SPATS2: variants seen among roughly 807,000 people sequenced by gnomAD.
SPATS2 encodes spermatogenesis associated serine rich 2.
A neutral mutation model predicts 63.7 loss-of-function variants in SPATS2; 38 were observed. The ratio of observed to expected loss-of-function variants is 0.60; its 90% CI spans 0.46 to 0.78. The LOEUF (loss-of-function observed/expected upper bound fraction) is 0.78. SPATS2 is among the 30% of genes least tolerant of loss of function. SPATS2 has a pLI of 0.00. For synonymous variants in SPATS2, 207 were observed against 232.9 expected (o/e 0.89, Z 1.01); for missense variants, 588 against 666.2 (o/e 0.88, Z 1.29).
At chr12:49,417,942 A>G (rs1046277850) in intron 2 of SPATS2, among the ~76,000 whole-genome samples, 3 of 152,102 alleles carry the variant, frequency 2.0e-5, no homozygotes, top group African/African-American at 7.2e-5. Flanking sequence ...GTGCAGTGGT[A>G]TGATTTTGGC....
At chr12:49,389,530 T>C in intron 2 of SPATS2, 1 of 939,226 alleles carries the variant, frequency 1.1e-6, no homozygotes, top group Non-Finnish European at 1.8e-6. Flanking sequence ...GTTGCACAAT[T>C]GAGAAGGCAC....
At chr12:49,380,852 A>T (rs990505008) in intron 2 of SPATS2, among the ~76,000 whole-genome samples, 2 of 151,832 alleles carry the variant, frequency 1.3e-5, no homozygotes, top group African/African-American at 4.8e-5. Flanking sequence ...CTATACCTAA[A>T]AGTGGAATTG....
chr12:49,415,419 C>G (rs1257141463), intron 2 of SPATS2, among the ~76,000 whole-genome samples: 1 of 152,162 alleles, frequency 6.6e-6, no homozygotes, highest in African/African-American at 2.4e-5. Context: ...ATTTTTGGAC[C>G]TAGCAACTCA....
chr12:49,448,209 C>G (rs1221454359), intron 2 of SPATS2, among the ~76,000 whole-genome samples: 1 of 150,018 alleles, frequency 6.7e-6, no homozygotes, highest in Non-Finnish European at 1.5e-5. Context: ...GTGATCTCGG[C>G]TCACTGCAAG....
intron 2 of SPATS2, among the ~76,000 whole-genome samples, chr12:49,397,697 G>A (rs1260888669): frequency 2.0e-5 from 3 of 151,928 alleles, no homozygotes; most frequent in Non-Finnish European, 4.4e-5. Context: ...GGATATGGTA[G>A]TGCATGCCTG....
intron 2 of SPATS2, chr12:49,389,919 A>C (rs1202070521): frequency 7.4e-6 from 6 of 811,446 alleles, no homozygotes; most frequent in African/African-American, 1.7e-5. Context: ...CCAAGGATAC[A>C]GGCACATGTT....
intron 1 of SPATS2, among the ~76,000 whole-genome samples, chr12:49,369,614 G>T (rs191598185): frequency 2.1e-4 from 32 of 152,266 alleles, no homozygotes; most frequent in African/African-American, 7.7e-4. Context: ...TGATAACTGT[G>T]ATTTAGATGA....
chr12:49,461,390 G>A (rs1945820155), intron 3 of SPATS2, among the ~76,000 whole-genome samples: 1 of 152,152 alleles, frequency 6.6e-6, no homozygotes. Context: ...AAGAGTAAAT[G>A]TTTCTGGGTT....
intron 2 of SPATS2, among the ~76,000 whole-genome samples, chr12:49,434,016 C>T (rs184265159): frequency 3.3e-5 from 5 of 152,306 alleles, no homozygotes; most frequent in East Asian, 1.9e-4. Context: ...GTTTTCCCAA[C>T]GTCATTTGTT....
At chr12:49,471,009 A>G (rs1364171372) in intron 3 of SPATS2, among the ~76,000 whole-genome samples, 1 of 152,230 alleles carries the variant, frequency 6.6e-6, no homozygotes, top group Non-Finnish European at 1.5e-5. Flanking sequence ...TGACTGTTAG[A>G]ACCAAACAAA....
chr12:49,455,504 C>G (rs945162688), intron 2 of SPATS2, among the ~76,000 whole-genome samples: 1 of 152,214 alleles, frequency 6.6e-6, no homozygotes, highest in Non-Finnish European at 1.5e-5. Context: ...GCTTCCCGGG[C>G]TCAAGCAGTG....
In SPATS2 at chr12:49,464,818, T is replaced by A. The variant is rs544557057; in HGVS notation, c.25+3781T>A. ...TAGCCTGGGTGACAGAGCGGGACCA[T>A]GTCTCTTAAAAAAACAGAAACAAAA... On this transcript the variant is annotated intron_variant, in intron 3 of 13. Coordinates refer to ENST00000552918, the MANE Select transcript of SPATS2 (RefSeq NM_023071.4). Among the ~76,000 whole-genome samples, 72 of 152,166 alleles carry A rather than the reference T, an allele frequency of 4.7e-4. No individual in the cohort carries two copies. The South Asian group carries it at 0.012, about 26-fold the overall frequency.
At chr12:49,506,975 G>T (rs1397390509) in intron 9 of SPATS2, among the ~76,000 whole-genome samples, 3 of 152,152 alleles carry the variant, frequency 2.0e-5, no homozygotes, top group African/African-American at 4.8e-5. Flanking sequence ...AGAATTTAGG[G>T]ACTAAGGAAC....
At chr12:49,385,836 G>GGTTT (rs1555178262) in intron 2 of SPATS2, among the ~76,000 whole-genome samples, 2 of 143,128 alleles carry the variant, frequency 1.4e-5, no homozygotes, top group East Asian at 3.9e-4. Context: ...GGTTTTTTTT[G>GGTTT]TTTTTTGTTT....
At chr12:49,446,805 G>A (rs1038695353) in intron 2 of SPATS2, among the ~76,000 whole-genome samples, 2 of 152,184 alleles carry the variant, frequency 1.3e-5, no homozygotes, top group African/African-American at 4.8e-5. Context: ...CTTCGTAGCA[G>A]TACATAGATT....
intron 2 of SPATS2, among the ~76,000 whole-genome samples, chr12:49,435,638 C>CTTTTTTTT (rs34420984): frequency 1.0e-5 from 1 of 96,058 alleles, no homozygotes; most frequent in African/African-American, 3.3e-5. Flanking sequence ...TGAATGGTTT[C>CTTTTTTTT]TTTTTTTTTT....
At chr12:49,494,453 AT>A (rs1305939130) in intron 6 of SPATS2, among the ~76,000 whole-genome samples, 7 of 151,608 alleles carry the variant, frequency 4.6e-5, no homozygotes, top group Admixed American at 1.3e-4. Flanking sequence ...AGCTGCACAT[AT>A]TTTTTTCACA....
intron 2 of SPATS2, among the ~76,000 whole-genome samples, chr12:49,388,916 A>T (rs543020165): frequency 4.4e-4 from 67 of 150,660 alleles, no homozygotes; most frequent in African/African-American, 1.6e-3. Flanking sequence ...CTGGTCTTGA[A>T]CTCCTGGTCT....
intron 2 of SPATS2, among the ~76,000 whole-genome samples, chr12:49,445,499 A>T (rs1945494516): frequency 6.6e-6 from 1 of 151,658 alleles, no homozygotes; most frequent in African/African-American, 2.4e-5. Flanking sequence ...ATATATATAT[A>T]TATATTTATT....
Sources: allele counts gnomAD v4.1 joint callset (sites outside exome capture counted in the v4.1 genomes callset), GRCh38; gene constraint gnomAD v4.1.1; transcripts MANE v1.5; gene names NCBI Gene and HGNC (gene_info 2026-07-23, HGNC 2026-07-21).